The following TEX10 variants were observed in gnomAD, a reference collection of about 807,000 sequenced individuals.
TEX10 encodes the protein testis expressed 10.
Under a neutral mutation model 104.4 loss-of-function variants are expected in TEX10, and 24 were observed. That is an observed-to-expected ratio of 0.23 (90% confidence interval 0.17 to 0.32). The LOEUF is 0.32. Ranked by LOEUF, TEX10 falls within the 10% of genes least tolerant of loss-of-function variation. The pLI is 1.00. For synonymous variants in TEX10, 396 were observed against 393.4 expected (o/e 1.01, Z -0.08); for missense variants, 921 against 1,083.9 (o/e 0.85, Z 2.11).
chr9:100,327,744 TG>T, intron 8 of TEX10, 42 bp downstream of exon 8: 1 of 1,463,440 alleles, frequency 6.8e-7, no homozygotes, highest in Non-Finnish European at 9.2e-7. Flanking sequence ...TATATCAGGG[TG>T]GATCAATGAC....
At chr9:100,347,516 G>T in intron 2 of TEX10, 110 bp from the exon 3 acceptor site, 1 of 714,296 alleles carries the variant, frequency 1.4e-6, no homozygotes. Flanking sequence ...TGGGGAAACT[G>T]CTTCAATAAG....
rs754336662 is a variant in TEX10, at chr9:100,349,189, T to C, written c.175A>G (p.Ile59Val). The C allele has an allele frequency of 1.4e-5, 22 of 1,539,304 alleles. 1 individual carries two copies. In the South Asian group the frequency reaches 2.7e-4, roughly 19 times the overall value. The stretch of plus-strand genomic sequence containing the variant: ...AAACATGATTTATGATTTACCTTTA[T>C]GTTAAGTTTTCTATTGTTTGTTGGA... ...TLPTNNRKLN[I>V]KDLLSQMHHY... is the part of the protein sequence containing the mutation. Residue 59 changes from isoleucine to valine, a missense_variant, in exon 2 of 15, where the codon ATA becomes GTA. Around this residue, in one of 3 missense-constraint regions of TEX10, gnomAD observed 118 missense variants for 111.3 expected, o/e 1.06. Transcript: ENST00000374902.
At position 100,309,206 on chromosome 9, in the gene TEX10, T is replaced by A. The variant is rs1329510952; in HGVS notation, c.2284-525A>T. 2.6e-5 allele frequency among the ~76,000 whole-genome samples: 4 copies of A among 152,152 alleles called. No homozygotes were observed. The East Asian group carries it at 7.7e-4, about 29-fold the overall frequency. ...CCTCTACTGGAGTCAGTAAAAGATA[T>A]TACTATAGTTAACATTTGACTGTTT... On this transcript the variant is annotated intron_variant, in intron 12 of 14. Coordinates refer to ENST00000374902, the MANE Select transcript of TEX10 (RefSeq NM_017746.4).
intron 9 of TEX10, among the ~76,000 whole-genome samples, chr9:100,323,384 CA>C (rs1834622077): frequency 6.6e-6 from 1 of 152,114 alleles, no homozygotes; most frequent in Non-Finnish European, 1.5e-5. Context: ...AAACCCAAGC[CA>C]AACTTCTTGG....
rs762356897 is a variant in TEX10 at position 100,303,820 on chromosome 9, C to T, written c.2488G>A (p.Val830Ile). ...CGAGGCAAGAGAGCCAGGATGGAGACACAGACCCCCCACAGCTTGTCCCTA... is the reference window on the plus strand; with the variant it reads ...CGAGGCAAGAGAGCCAGGATGGAGATACAGACCCCCCACAGCTTGTCCCTA... ...RKRDKLWGVC[V>I]SILALLPRVL... Residue 830 changes from valine (V) to isoleucine (I), a missense_variant, in exon 14 of 15, where the codon GTC (valine) becomes ATC (isoleucine). Val to Ile is a conservative substitution (Grantham distance 29). Coordinates refer to ENST00000374902, the MANE Select transcript of TEX10 (RefSeq NM_017746.4). The T allele has an allele frequency of 1.2e-5, 20 of 1,613,912 alleles. No homozygotes were observed. Among genetic ancestry groups the T allele is most frequent in the Middle Eastern group, 1.7e-4 (1 of 6,054 alleles).
chr9:100,318,066 A>G (rs567082396), intron 11 of TEX10, among the ~76,000 whole-genome samples: 65 of 152,194 alleles, frequency 4.3e-4, no homozygotes, highest in Non-Finnish European at 6.6e-4. Flanking sequence ...AGATTTCTCA[A>G]ATAACTGAAA....
At chr9:100,339,294 T>TATATAC (rs1277356270) in intron 5 of TEX10, among the ~76,000 whole-genome samples, 24 of 125,170 alleles carry the variant, frequency 1.9e-4, no homozygotes, top group African/African-American at 6.4e-4. Flanking sequence ...TATATATACA[T>TATATAC]ATATATATAC....
Position 100,347,395 on chromosome 9 carries a change from T to C in TEX10, c.192A>G (p.Ser64=). The change falls in exon 3 of 15, where the codon TCA becomes TCG. Residue 64 remains serine (S), a synonymous_variant. Transcript: ENST00000374902. The part of the protein sequence containing the change: ...NRKLNIKDLL[S]QMHHYNAGVK... ...CCCCAGCATTGTAGTGATGCATCTG[T>C]GACAGCAAATCCTATAAATAAAAAT... 6.4e-7 allele frequency: 1 copy of C among 1,573,366 alleles called. No individual in the cohort carries two copies. Among genetic ancestry groups the C allele is most frequent in the African/African-American group, 1.4e-5 (1 of 73,018 alleles).
intron 11 of TEX10, 144 bp downstream of exon 11, chr9:100,320,121 G>T (rs985773002): frequency 1.4e-6 from 1 of 722,666 alleles, no homozygotes; most frequent in South Asian, 4.6e-5. Flanking sequence ...CTTTTCAAAC[G>T]TACTTCTCCC....
chr9:100,333,650 A>C (rs1243491579), intron 5 of TEX10, among the ~76,000 whole-genome samples: 1 of 151,588 alleles, frequency 6.6e-6, no homozygotes, highest in Non-Finnish European at 1.5e-5. Flanking sequence ...AAAAAAAAAA[A>C]AAAAAACCAC....
intron 4 of TEX10, among the ~76,000 whole-genome samples, chr9:100,343,304 A>C (rs1292644180): frequency 6.8e-6 from 1 of 147,262 alleles, no homozygotes; most frequent in Non-Finnish European, 1.5e-5. Flanking sequence ...TGAAGGTTTG[A>C]CTTTAAAATA....
chr9:100,334,662 G>GT (rs1190097816), intron 5 of TEX10, among the ~76,000 whole-genome samples: 2 of 128,150 alleles, frequency 1.6e-5, no homozygotes, highest in Non-Finnish European at 1.6e-5. Context: ...GGCTCATTTT[G>GT]TTCTTTTTTT....
At chr9:100,321,601 G>T in intron 10 of TEX10, 82 bp downstream of exon 10, 1 of 1,161,212 alleles carries the variant, frequency 8.6e-7, no homozygotes, top group Non-Finnish European at 1.3e-6. Context: ...GAACCAAACT[G>T]ATAAAATGGC....
At chr9:100,315,292 C>A (rs1834388536) in intron 11 of TEX10, among the ~76,000 whole-genome samples, 1 of 152,114 alleles carries the variant, frequency 6.6e-6, no homozygotes, top group Admixed American at 6.5e-5. Flanking sequence ...TAAAGTTCAA[C>A]TTAAGTCTGA....
At chr9:100,326,180 G>T (rs762817060) in intron 9 of TEX10, 122 bp downstream of exon 9, 197 of 974,798 alleles carry the variant, frequency 2.0e-4, no homozygotes, top group Admixed American at 9.3e-4. Context: ...AGTTTTAATT[G>T]TTGCATTAAG....
At chr9:100,303,426 A>C (rs996082200) in intron 14 of TEX10, among the ~76,000 whole-genome samples, 1 of 125,142 alleles carries the variant, frequency 8.0e-6, no homozygotes, top group Non-Finnish European at 1.6e-5. Context: ...CTAATTCTGG[A>C]ATCACAGACA....
intron 14 of TEX10, among the ~76,000 whole-genome samples, chr9:100,303,042 CT>C (rs1394374987): frequency 2.0e-5 from 3 of 151,774 alleles, no homozygotes; most frequent in East Asian, 3.9e-4. Flanking sequence ...AAGTCTGCAA[CT>C]TCTGATTTTC....
intron 1 of TEX10, chr9:100,352,423 G>C (rs1835478205): frequency 6.4e-7 from 1 of 1,551,722 alleles, no homozygotes; most frequent in Non-Finnish European, 8.7e-7. Context: ...ACACACCATG[G>C]GTTTTAGGAA....
intron 4 of TEX10, among the ~76,000 whole-genome samples, chr9:100,342,828 T>C (rs1564219157): frequency 6.6e-6 from 1 of 152,136 alleles, no homozygotes; most frequent in South Asian, 2.1e-4. Context: ...AAAAAGCTAA[T>C]GTTAAACTGT....
Sources: allele counts gnomAD v4.1 joint callset (sites outside exome capture counted in the v4.1 genomes callset), GRCh38; gene constraint gnomAD v4.1.1; regional missense constraint gnomAD v4.1.1; transcripts MANE v1.5; gene names NCBI Gene and HGNC (gene_info 2026-07-23, HGNC 2026-07-21).